The following OR4N2 variants were observed in gnomAD, a reference collection of about 807,000 sequenced individuals.
OR4N2 encodes olfactory receptor 4N2.
For missense variants in OR4N2, 307 were observed against 377.6 expected (o/e 0.81, Z 1.55); for synonymous variants, 141 against 140.4 (o/e 1.00, Z -0.03).
intron 1 of OR4N2, among the ~76,000 whole-genome samples, chr14:19,819,425 T>C (rs1849896864): frequency 6.6e-6 from 1 of 152,262 alleles, no homozygotes; most frequent in South Asian, 2.1e-4. Flanking sequence ...CACGCTTTAT[T>C]TCATTAAGTT....
At chr14:19,823,062 C>G (rs1309176186) in intron 1 of OR4N2, among the ~76,000 whole-genome samples, 1 of 152,234 alleles carries the variant, frequency 6.6e-6, no homozygotes, top group African/African-American at 2.4e-5. Context: ...GGCTAAGAAT[C>G]TATACATTTG....
rs3078143 is a variant in OR4N2 at position 19,812,329 on chromosome 14, C to CTTT, written c.-10+8498_-10+8500dup. 4.4e-3 allele frequency among the ~76,000 whole-genome samples: 513 copies of CTTT among 117,384 alleles called. 3 individuals are homozygous for CTTT. Among genetic ancestry groups the CTTT allele is most frequent in the African/African-American group, 9.7e-3 (297 of 30,548 alleles). 77.0% of individuals were successfully genotyped at this position (117,384 alleles called of 152,430 possible). On this transcript the variant is annotated intron_variant, in intron 1 of 1. Transcript: ENST00000557677. Reference sequence around the variant, plus strand: ...TTTTTTTTTTCTTTTCTTTTCTTTTCTTTTTTTTTTTTTTTGAGACAGAGT... The same window carrying CTTT: ...TTTTTTTTTTCTTTTCTTTTCTTTTCTTTTTTTTTTTTTTTTTTGAGACAGAGT...
At chr14:19,818,163 G>A (rs1488462198) in intron 1 of OR4N2, among the ~76,000 whole-genome samples, 1 of 152,258 alleles carries the variant, frequency 6.6e-6, no homozygotes, top group Non-Finnish European at 1.5e-5. Flanking sequence ...TATATATTCT[G>A]TTGATTTGGG....
chr14:19,809,076 T>G (rs1405714252), intron 1 of OR4N2, among the ~76,000 whole-genome samples: 1 of 152,036 alleles, frequency 6.6e-6, no homozygotes, highest in Non-Finnish European at 1.5e-5. Flanking sequence ...GTCTGTAGCC[T>G]AAGAACATTC....
chr14:19,807,740 C>T (rs989307940), intron 1 of OR4N2, among the ~76,000 whole-genome samples: 7 of 152,154 alleles, frequency 4.6e-5, no homozygotes, highest in African/African-American at 1.7e-4. Context: ...TTCTATGAAG[C>T]CAGTATCATC....
intron 1 of OR4N2, among the ~76,000 whole-genome samples, chr14:19,821,151 C>T (rs2138476491): frequency 6.6e-6 from 1 of 152,390 alleles, no homozygotes; most frequent in East Asian, 1.9e-4. Context: ...CCTCTCGGCA[C>T]AGTCTCTCAC....
intron 1 of OR4N2, among the ~76,000 whole-genome samples, chr14:19,825,321 T>A (rs1432218940): frequency 5.3e-5 from 8 of 152,222 alleles, no homozygotes; most frequent in Non-Finnish European, 8.8e-5. Flanking sequence ...TAATGCTTCT[T>A]AAAATACGTA....
At chr14:19,814,770 C>G (rs1879384212) in intron 1 of OR4N2, among the ~76,000 whole-genome samples, 1 of 152,232 alleles carries the variant, frequency 6.6e-6, no homozygotes, top group South Asian at 2.1e-4. Flanking sequence ...TTGCTGCACC[C>G]ATCAACCTGT....
intron 1 of OR4N2, among the ~76,000 whole-genome samples, chr14:19,812,319 C>CTTTTTTT (rs1879318650): frequency 1.9e-5 from 2 of 107,512 alleles, no homozygotes; most frequent in African/African-American, 3.2e-5. Flanking sequence ...TTTTTCTTTT[C>CTTTTTTT]TTTTCTTTTC....
intron 1 of OR4N2, among the ~76,000 whole-genome samples, chr14:19,825,871 T>C (rs10135845): frequency 0.28 from 41,956 of 148,936 alleles, 2,907 homozygotes; most frequent in African/African-American, 0.32. Flanking sequence ...AGAGCACTTA[T>C]TTAAAACAAA....
chr14:19,803,771 G>A lies in OR4N2; in HGVS notation c.-83G>A, dbSNP rs1879082726. ...CTCAAATTTTCAGAATAGTTTCAGA[G>A]GAAAGGTACTAGCTCTTCTTTATGC... is the stretch of plus-strand genomic sequence containing the variant. On this transcript the variant is annotated 5_prime_UTR_variant, in exon 1 of 2. Transcript: ENST00000557677. The A allele has an allele frequency of 6.6e-6, 1 of 152,236 alleles. No homozygotes were observed. The highest frequency in any genetic ancestry group is 1.5e-5 in the Non-Finnish European group (1 of 68,052). 9.4% of individuals were successfully genotyped at this position (152,236 alleles called of 1,614,324 possible).
rs1194748829 is a variant in OR4N2 at position 19,803,853 on chromosome 14, GC to G, written c.-10+10del. The G allele has an allele frequency of 6.6e-6, 1 of 152,230 alleles. No homozygotes were observed. The highest frequency in any genetic ancestry group is 6.5e-5 in the Admixed American group (1 of 15,278). The allele number at this position is 152,230 out of a possible 1,614,324, so 9.4% of individuals were successfully genotyped here. On this transcript the variant is annotated intron_variant, in intron 1 of 1. Transcript: ENST00000557677. Reference sequence around the variant, plus strand: ...ATCCTGGGCTTTTTCTGGTTGGTAGGCTTTTTATTACTAACACAATCTTGGA... The same window carrying G: ...ATCCTGGGCTTTTTCTGGTTGGTAGGTTTTTATTACTAACACAATCTTGGA...
intron 1 of OR4N2, among the ~76,000 whole-genome samples, chr14:19,816,536 A>G (rs767157172): frequency 3.9e-4 from 60 of 152,366 alleles, no homozygotes; most frequent in African/African-American, 9.6e-4. Flanking sequence ...ATTTTTGCAC[A>G]TTGATTTTGT....
intron 1 of OR4N2, among the ~76,000 whole-genome samples, chr14:19,814,900 T>C (rs1371812926): frequency 6.6e-6 from 1 of 152,176 alleles, no homozygotes; most frequent in Non-Finnish European, 1.5e-5. Context: ...CAACTCCCAC[T>C]TAAGAGTGAG....
At chr14:19,806,653 T>C (rs1324782517) in intron 1 of OR4N2, among the ~76,000 whole-genome samples, 2 of 147,618 alleles carry the variant, frequency 1.4e-5, no homozygotes, top group African/African-American at 5.0e-5. Flanking sequence ...GATGGTATCA[T>C]TAAGGCAGAA....
intron 1 of OR4N2, among the ~76,000 whole-genome samples, chr14:19,822,951 G>A (rs1042200020): frequency 7.9e-5 from 12 of 152,312 alleles, no homozygotes; most frequent in African/African-American, 2.6e-4. Flanking sequence ...CCAAACCAGG[G>A]ATCCTTTTAT....
intron 1 of OR4N2, among the ~76,000 whole-genome samples, chr14:19,813,408 T>A (rs1879349377): frequency 6.6e-6 from 1 of 152,260 alleles, no homozygotes; most frequent in African/African-American, 2.4e-5. Flanking sequence ...TACCAACAAC[T>A]GTATAGATTT....
chr14:19,820,303 T>C (rs566457309), intron 1 of OR4N2, among the ~76,000 whole-genome samples: 1 of 152,406 alleles, frequency 6.6e-6, no homozygotes, highest in South Asian at 2.1e-4. Flanking sequence ...GCTCTGATCT[T>C]AGTTATTTCT....
chr14:19,808,379 G>T (rs1264123940), intron 1 of OR4N2, among the ~76,000 whole-genome samples: 1 of 152,144 alleles, frequency 6.6e-6, no homozygotes, highest in African/African-American at 2.4e-5. Context: ...ACAGTTTTAG[G>T]AAGGTTTCAG....
Sources: gnomAD v4.1 joint callset for allele counts (sites outside exome capture counted in the v4.1 genomes callset) on GRCh38, gnomAD v4.1.1 for gene constraint, MANE v1.5 for transcripts, NCBI Gene and HGNC (gene_info 2026-07-23, HGNC 2026-07-21) for gene names.